The following ERC2 variants were observed in gnomAD, a reference collection of about 807,000 sequenced individuals.
ERC2 encodes ELKS/RAB6-interacting/CAST family member 2, also known as ERC protein 2.
In ERC2, 42 loss-of-function variants were observed where a neutral mutation model predicts 114.8. That is an observed-to-expected ratio of 0.37 (90% CI 0.29 to 0.47). ERC2 has a LOEUF of 0.47. Among genes scored for constraint, ERC2 ranks in the 20% least tolerant of loss-of-function variants. ERC2 has a pLI of 0.99. For synonymous variants in ERC2, 454 were observed against 425.5 expected, an observed-to-expected ratio of 1.07 and a Z score of -0.82; for missense variants, 939 against 1,150.7, an observed-to-expected ratio of 0.82 and a Z score of 2.66.
chr3:55,551,476 C>T (rs1011500325), intron 17 of ERC2, among the ~76,000 whole-genome samples: 5 of 151,664 alleles, frequency 3.3e-5, no homozygotes, highest in African/African-American at 4.9e-5. Context: ...TGAGTTTTCA[C>T]GGTGCCACTG....
chr3:55,738,960 T>C (rs1281209948), intron 14 of ERC2, among the ~76,000 whole-genome samples: 2 of 152,124 alleles, frequency 1.3e-5, no homozygotes, highest in African/African-American at 4.8e-5. Flanking sequence ...CCTCCCTGTG[T>C]CCATGTGTTC....
intron 13 of ERC2, among the ~76,000 whole-genome samples, chr3:55,889,368 T>C (rs998110048): frequency 1.3e-5 from 2 of 152,028 alleles, no homozygotes; most frequent in African/African-American, 4.8e-5. Context: ...CCACAAAAGG[T>C]TCAAGTTTGG....
chr3:55,963,811 A>G (rs1012720266), intron 12 of ERC2, among the ~76,000 whole-genome samples: 1 of 152,188 alleles, frequency 6.6e-6, no homozygotes, highest in Non-Finnish European at 1.5e-5. Flanking sequence ...CCTGGGGGCT[A>G]ACGCTGGAGG....
At chr3:56,409,986 G>A (rs2060880997) in intron 2 of ERC2, among the ~76,000 whole-genome samples, 1 of 152,210 alleles carries the variant, frequency 6.6e-6, no homozygotes, top group Non-Finnish European at 1.5e-5. Flanking sequence ...ATAGTCATAA[G>A]CTGTTGTGGG....
intron 17 of ERC2, among the ~76,000 whole-genome samples, chr3:55,639,023 C>T (rs181311473): frequency 6.6e-6 from 1 of 152,304 alleles, no homozygotes; most frequent in African/African-American, 2.4e-5. Flanking sequence ...GTTGAGAACA[C>T]CCTATAGAAA....
intron 3 of ERC2, among the ~76,000 whole-genome samples, chr3:56,233,987 C>T (rs2050788265): frequency 6.6e-6 from 1 of 152,092 alleles, no homozygotes; most frequent in African/African-American, 2.4e-5. Context: ...TAAACCACAC[C>T]CACAAGATCC....
chr3:55,788,975 C>T (rs866954641), intron 14 of ERC2, among the ~76,000 whole-genome samples: 9 of 152,278 alleles, frequency 5.9e-5, no homozygotes, highest in Non-Finnish European at 1.2e-4. Flanking sequence ...TAACCAGTCA[C>T]GAGTTCTCTA....
chr3:55,746,226 G>C (rs1378015330), intron 14 of ERC2, among the ~76,000 whole-genome samples: 1 of 151,964 alleles, frequency 6.6e-6, no homozygotes, highest in African/African-American at 2.4e-5. Flanking sequence ...ATTGAATTAA[G>C]GTTCTGTGGA....
chr3:55,982,741 T>G (rs2070260388), intron 12 of ERC2, among the ~76,000 whole-genome samples: 1 of 152,124 alleles, frequency 6.6e-6, no homozygotes, highest in Non-Finnish European at 1.5e-5. Flanking sequence ...TGGGGCAAAA[T>G]ACTGACCCTA....
chr3:55,856,771 G>A (rs1269540351), intron 14 of ERC2, among the ~76,000 whole-genome samples: 3 of 152,060 alleles, frequency 2.0e-5, no homozygotes. Context: ...AAATCCAAAT[G>A]CCCATCAGCT....
Position 55,793,464 on chromosome 3 carries a change from G to C in ERC2, c.2565-58546C>G, listed in dbSNP as rs141150068. Among the ~76,000 whole-genome samples, 459 of 152,122 alleles carry C rather than the reference G, an allele frequency of 3.0e-3. 1 individual carries two copies. Among genetic ancestry groups the C allele is most frequent in the African/African-American group, 0.011 (450 of 41,500 alleles). On this transcript the variant is annotated intron_variant, in intron 14 of 17. Transcript: ENST00000288221. ...CCTAAGAGTAAGCAGAAAAGATACT[G>C]GTTCTGCAAAGTTTTTATTCAGTGC... is the stretch of plus-strand genomic sequence containing the variant.
chr3:55,528,175 T>C (rs2053449700), intron 17 of ERC2, among the ~76,000 whole-genome samples: 1 of 152,174 alleles, frequency 6.6e-6, no homozygotes, highest in African/African-American at 2.4e-5. Context: ...CAGGTTCCTT[T>C]AGAACAACAA....
chr3:55,835,186 G>T (rs2060815004), intron 14 of ERC2, among the ~76,000 whole-genome samples: 1 of 152,096 alleles, frequency 6.6e-6, no homozygotes, highest in Non-Finnish European at 1.5e-5. Flanking sequence ...AGGAGGAACT[G>T]GTACCATTCC....
At chr3:55,942,266 CTTTTTTTTTTTTTTTTTTTTTT>C (rs56851837) in intron 13 of ERC2, among the ~76,000 whole-genome samples, 4 of 42,110 alleles carry the variant, frequency 9.5e-5, no homozygotes, top group Admixed American at 4.1e-4. Flanking sequence ...AAGGTCCTTT[CTTTTTTTTTTTTTTTTTTTTTT>C]TTTTTTTTTT....
intron 17 of ERC2, among the ~76,000 whole-genome samples, chr3:55,559,105 G>T (rs1409376435): frequency 2.6e-5 from 4 of 152,210 alleles, no homozygotes; most frequent in Non-Finnish European, 5.9e-5. Context: ...CTGGAGCAGG[G>T]CATGGCCTTT....
At chr3:55,937,972 G>C (rs1449430742) in intron 13 of ERC2, among the ~76,000 whole-genome samples, 2 of 152,170 alleles carry the variant, frequency 1.3e-5, no homozygotes, top group Non-Finnish European at 2.9e-5. Context: ...TGACTTGGGT[G>C]GAAAAACTCA....
At chr3:56,204,166 G>A (rs1056235091) in intron 3 of ERC2, among the ~76,000 whole-genome samples, 7 of 152,142 alleles carry the variant, frequency 4.6e-5, no homozygotes, top group Non-Finnish European at 1.0e-4. Context: ...TCCAGCCTGG[G>A]AGACAGAAAG....
chr3:55,817,822 A>T (rs2059963588), intron 14 of ERC2, among the ~76,000 whole-genome samples: 1 of 152,206 alleles, frequency 6.6e-6, no homozygotes, highest in Admixed American at 6.5e-5. Context: ...TGGAACACAA[A>T]CAGCCTTCAG....
chr3:56,367,402 T>C (rs571733458), intron 2 of ERC2, among the ~76,000 whole-genome samples: 1 of 152,272 alleles, frequency 6.6e-6, no homozygotes, highest in East Asian at 1.9e-4. Flanking sequence ...GCCTTGTCTT[T>C]TAGTTGCCTC....
Sources: gnomAD v4.1 joint callset for allele counts (sites outside exome capture counted in the v4.1 genomes callset) on GRCh38, gnomAD v4.1.1 for gene constraint, MANE v1.5 for transcripts, NCBI Gene and HGNC (gene_info 2026-07-23, HGNC 2026-07-21) for gene names.